Variants in ASPA observed in about 807,000 individuals in gnomAD.
The protein encoded by ASPA is aspartoacylase.
A neutral mutation model predicts 29.6 loss-of-function variants in ASPA; 25 were observed. The observed-to-expected ratio is 0.85, with a 90% CI of 0.62 to 1.18. The LOEUF is 1.18. ASPA is among the 50% of genes most tolerant of loss of function. The pLI is 0.00. For missense variants in ASPA, 333 were observed against 385.7 expected (o/e 0.86, Z 1.14); for synonymous variants, 131 against 130.3 (o/e 1.01, Z -0.04).
intron 2 of ASPA, among the ~76,000 whole-genome samples, chr17:3,483,106 G>A (rs1309462691): frequency 6.6e-6 from 1 of 151,906 alleles, no homozygotes; most frequent in Non-Finnish European, 1.5e-5. Context: ...CATCTGTAGA[G>A]AGCTGGACCA....
chr17:3,495,253 T>C (rs1236925263), intron 5 of ASPA, among the ~76,000 whole-genome samples: 1 of 152,198 alleles, frequency 6.6e-6, no homozygotes, highest in Admixed American at 6.5e-5. Context: ...TGGTGGATTA[T>C]CTAGTCCAGG....
chr17:3,482,406 A>G (rs2073646135), intron 2 of ASPA, among the ~76,000 whole-genome samples: 1 of 152,146 alleles, frequency 6.6e-6, no homozygotes, highest in African/African-American at 2.4e-5. Context: ...GAAAATAGCA[A>G]CCAACCAGAA....
In ASPA at chr17:3,493,601, G is replaced by C. The variant is rs564224662; in HGVS notation, c.635-749G>C. Among the ~76,000 whole-genome samples the C allele has an allele frequency of 2.7e-5, 4 of 145,814 alleles. No individual in the cohort carries two copies. The Admixed American group carries it at 2.8e-4, about 10-fold the overall frequency. On this transcript the variant is annotated intron_variant, in intron 4 of 5. Transcript: ENST00000263080. ...AAAAAAAAGGAAAGAAAAAGAGCAC[G>C]ATACTGAAGTCACCTCAGTTGCTGG...
chr17:3,485,879 T>C lies in ASPA; in HGVS notation c.526+2287T>C, dbSNP rs1288434364. On this transcript the variant is annotated intron_variant, in intron 3 of 5. Transcript: ENST00000263080. The surrounding 1 kb of genome is among the most constrained non-coding windows in gnomAD (Gnocchi z 4.4). ...AAGCTCCAGTTCCCACAGGGTGACATAGAGAGAGCCAGATGGCAGCTATCC... is the reference window on the plus strand; with the variant it reads ...AAGCTCCAGTTCCCACAGGGTGACACAGAGAGAGCCAGATGGCAGCTATCC... Among the ~76,000 whole-genome samples, 3 of 151,482 alleles carry C rather than the reference T, an allele frequency of 2.0e-5. No individual in the cohort carries two copies. The highest frequency in any genetic ancestry group is 7.3e-5 in the African/African-American group (3 of 41,222).
At position 3,503,235 on chromosome 17, in the gene ASPA, A is replaced by G. The variant is rs1348721340; in HGVS notation, c.*4147A>G. On this transcript the variant is annotated 3_prime_UTR_variant, in exon 6 of 6. Transcript: ENST00000263080. ...TGAATGAATGAATGAATGAATAAAT[A>G]TTATATATTTATACATTTTCATTCT... The G allele has an allele frequency of 1.3e-5, 2 of 152,218 alleles. No individual in the cohort carries two copies. Among genetic ancestry groups the G allele is most frequent in the African/African-American group, 4.8e-5 (2 of 41,448 alleles). 9.4% of individuals were successfully genotyped at this position (152,218 alleles called of 1,614,324 possible).
At chr17:3,474,834 AAC>A (rs964017197), upstream of ASPA, among the ~76,000 whole-genome samples, 1 of 152,226 alleles carries the variant, frequency 6.6e-6, no homozygotes, top group African/African-American at 2.4e-5. Flanking sequence ...GACCAAAAAT[AAC>A]AGAGAGGCAC....
Position 3,485,712 on chromosome 17 carries a change from T to A in ASPA, c.526+2120T>A, listed in dbSNP as rs62071297. Among the ~76,000 whole-genome samples, 56,028 of 152,022 alleles carry A rather than the reference T, an allele frequency of 0.37. 13,043 individuals carry two copies. The highest frequency in any genetic ancestry group is 0.54 in the Non-Finnish European group (36,732 of 67,944). On this transcript the variant is annotated intron_variant, in intron 3 of 5. Transcript: ENST00000263080. This position sits in a 1 kb window ranked among gnomAD's most constrained non-coding sequence, Gnocchi z 4.4. ...AAGACCTGTCAAAGATCTGAGAAAT[T>A]TTACCCGACTTACAAGCTAACCATT... is the stretch of plus-strand genomic sequence containing the variant.
In ASPA at chr17:3,499,011, T is replaced by C; in HGVS notation, c.865T>C (p.Tyr289His). 1 of 1,614,194 alleles carries C rather than the reference T, an allele frequency of 6.2e-7. No homozygotes were observed. The highest frequency in any genetic ancestry group is 8.5e-7 in the Non-Finnish European group (1 of 1,180,034). ...CGTGTTTGTGAATGAGGCCGCATAT[T>C]ACGAAAAGAAAGAAGCTTTTGCAAA... ...YPVFVNEAAY[Y>H]EKKEAFAKTT... The change falls in exon 6 of 6, where the codon TAC becomes CAC. Residue 289 changes from tyrosine (Y) to histidine (H), a missense_variant. By Grantham distance (83) the Tyr-to-His change is moderately conservative. Coordinates refer to ENST00000263080, the MANE Select transcript of ASPA (RefSeq NM_000049.4).
upstream of ASPA, among the ~76,000 whole-genome samples, chr17:3,475,113 A>C (rs529707755): frequency 1.1e-4 from 17 of 152,386 alleles, no homozygotes; most frequent in African/African-American, 3.4e-4. Flanking sequence ...CGTTACTAGT[A>C]CATGGTATTC....
intron 4 of ASPA, 150 bp from the exon 5 acceptor site, chr17:3,494,200 C>T (rs2073872625): frequency 1.6e-6 from 1 of 639,086 alleles, no homozygotes; most frequent in Non-Finnish European, 2.9e-6. Flanking sequence ...AGATGGGGTT[C>T]ACCATGTTGG....
intron 5 of ASPA, among the ~76,000 whole-genome samples, chr17:3,497,775 G>T (rs2073933373): frequency 6.6e-6 from 1 of 152,186 alleles, no homozygotes; most frequent in African/African-American, 2.4e-5. Context: ...ATGAAATCCT[G>T]CTTTTCTAAC....
upstream of ASPA, chr17:3,475,933 C>A: frequency 1.8e-6 from 1 of 557,782 alleles, no homozygotes; most frequent in South Asian, 2.1e-5. Context: ...TTGATCTTTG[C>A]ATATTTTAAT....
intron 5 of ASPA, among the ~76,000 whole-genome samples, chr17:3,496,615 G>A (rs372203464): frequency 9.9e-5 from 15 of 152,214 alleles, no homozygotes; most frequent in Admixed American, 7.9e-4. Context: ...ACCCGGTTAT[G>A]AGTCTAGATT....
chr17:3,484,915 T>C (rs2073693273), intron 3 of ASPA, among the ~76,000 whole-genome samples: 1 of 152,222 alleles, frequency 6.6e-6, no homozygotes, highest in Admixed American at 6.5e-5. Flanking sequence ...CTCTGTTCCC[T>C]ATCCCCTTCT....
intron 5 of ASPA, among the ~76,000 whole-genome samples, chr17:3,497,667 T>C (rs1036407600): frequency 2.6e-5 from 4 of 152,276 alleles, no homozygotes; most frequent in African/African-American, 9.6e-5. Context: ...TGGAGAAAAC[T>C]GCGGTGATGC....
At position 3,483,509 on chromosome 17, in the gene ASPA, C is replaced by A. The variant is rs1167178001; in HGVS notation, c.443C>A (p.Ala148Asp). 6.2e-7 allele frequency: 1 copy of A among 1,614,000 alleles called. No individual in the cohort carries two copies. The highest frequency in any genetic ancestry group is 8.5e-7 in the Non-Finnish European group (1 of 1,179,930). The stretch of plus-strand genomic sequence containing the variant: ...TTTGATTTTTTTCAGACTTCTCTGG[C>A]TCCACTACCCTGCTACGTTTATCTG... ...QMFHYIKTSL[A>D]PLPCYVYLIE... Residue 148 changes from alanine to aspartate, a missense_variant, in exon 3 of 6, where the codon GCT becomes GAT. Coordinates refer to ENST00000263080, the MANE Select transcript of ASPA (RefSeq NM_000049.4).
At chr17:3,492,175 C>T (rs927709211) in intron 4 of ASPA, among the ~76,000 whole-genome samples, 4 of 152,156 alleles carry the variant, frequency 2.6e-5, no homozygotes, top group Middle Eastern at 6.8e-3. Flanking sequence ...TTGCGCCTGG[C>T]GAGACAGAAA....
Position 3,490,743 on chromosome 17 carries a change from G to T in ASPA, c.634+1401G>T, listed in dbSNP as rs2073810622. 6.6e-6 allele frequency among the ~76,000 whole-genome samples: 1 copy of T among 152,204 alleles called. No individual in the cohort carries two copies. The highest frequency in any genetic ancestry group is 6.6e-5 in the Admixed American group (1 of 15,264). On this transcript the variant is annotated intron_variant, in intron 4 of 5. Coordinates refer to ENST00000263080, the MANE Select transcript of ASPA (RefSeq NM_000049.4). This position sits in a 1 kb window ranked among gnomAD's most constrained non-coding sequence, Gnocchi z 4.6. ...GTGTGGGACTACAATATATTAAGAA[G>T]TGATACATTCAGATAGAAGGCCACA...
At chr17:3,478,697 A>G (rs1597426071) in intron 1 of ASPA, among the ~76,000 whole-genome samples, 1 of 152,178 alleles carries the variant, frequency 6.6e-6, no homozygotes, top group African/African-American at 2.4e-5. Context: ...CTGTTCAGAG[A>G]CTAGACTGTT....
Sources: allele counts gnomAD v4.1 joint callset (sites outside exome capture counted in the v4.1 genomes callset), GRCh38; gene constraint gnomAD v4.1.1; non-coding constraint Gnocchi (gnomAD v3.1); transcripts MANE v1.5; gene names NCBI Gene and HGNC (gene_info 2026-07-23, HGNC 2026-07-21).